SNX27: variants seen among roughly 807,000 people sequenced by gnomAD.
SNX27 encodes sorting nexin 27.
A neutral mutation model predicts 71.6 loss-of-function variants in SNX27; 22 were observed. The observed-to-expected ratio is 0.31, with a 90% CI of 0.22 to 0.44. The LOEUF (loss-of-function observed/expected upper bound fraction) is 0.44, where lower values mean the gene tolerates loss of function less well. Ranked by LOEUF, SNX27 falls within the 20% of genes least tolerant of loss-of-function variation. SNX27 has a pLI of 1.00. For synonymous variants in SNX27, 269 were observed against 277.2 expected (o/e 0.97, Z 0.29); for missense variants, 531 against 698.6 (o/e 0.76, Z 2.70).
At chr1:151,644,886 C>T (rs1382582554) in intron 2 of SNX27, among the ~76,000 whole-genome samples, 1 of 152,180 alleles carries the variant, frequency 6.6e-6, no homozygotes, top group East Asian at 1.9e-4. Flanking sequence ...GCAGCCTCTG[C>T]CTCCCGGGTT....
At chr1:151,638,707 G>A in intron 1 of SNX27, 181 bp from the exon 2 acceptor site, 1 of 624,266 alleles carries the variant, frequency 1.6e-6, no homozygotes, top group Non-Finnish European at 2.8e-6. Flanking sequence ...CCCGCCATAA[G>A]TTCACAAAGT....
intron 2 of SNX27, 87 bp from the exon 3 acceptor site, chr1:151,658,148 T>C: frequency 7.8e-7 from 1 of 1,274,838 alleles, no homozygotes; most frequent in Non-Finnish European, 1.1e-6. Context: ...AGAATGCATC[T>C]AACCAATATC....
At position 151,625,713 on chromosome 1, in the gene SNX27, C is replaced by T. The variant is rs1477807268; in HGVS notation, c.312-13175C>T. Reference sequence around the variant, plus strand: ...AGCGGGAGAATCACTTGAACCGGGGCGGTGGAAGTTGCAGTGATTCGAGAC... The same window carrying T: ...AGCGGGAGAATCACTTGAACCGGGGTGGTGGAAGTTGCAGTGATTCGAGAC... On this transcript the variant is annotated intron_variant, in intron 1 of 11. Transcript: ENST00000458013. Among the ~76,000 whole-genome samples the T allele has an allele frequency of 7.7e-5, 11 of 143,618 alleles. 1 individual carries two copies. The highest frequency in any genetic ancestry group is 2.3e-4 in the African/African-American group (9 of 38,438). The allele number at this position is 143,618 out of a possible 152,430, so 94.2% of individuals were successfully genotyped here.
At chr1:151,636,163 A>G (rs1464099951) in intron 1 of SNX27, among the ~76,000 whole-genome samples, 2 of 152,244 alleles carry the variant, frequency 1.3e-5, no homozygotes, top group East Asian at 3.8e-4. Context: ...AGAGTGCCCT[A>G]GATAAAAAAT....
At position 151,697,080 on chromosome 1, in the gene SNX27, G is replaced by A. The variant is rs985724343; in HGVS notation, c.*2663G>A. The A allele has an allele frequency of 3.3e-5, 5 of 152,150 alleles. No individual in the cohort carries two copies. The highest frequency in any genetic ancestry group is 7.2e-5 in the African/African-American group (3 of 41,438). 9.4% of individuals were successfully genotyped at this position (152,150 alleles called of 1,614,324 possible). A position where few individuals can be genotyped will look rare whatever the true frequency, so the allele number is the denominator to read the frequency against. The stretch of plus-strand genomic sequence containing the variant: ...TAGGTGAAATCACAGAGTACAAAAC[G>A]TGAGAATGCTGAATGTGTAAAGTTG... On this transcript the variant is annotated 3_prime_UTR_variant, in exon 12 of 12. Coordinates refer to ENST00000458013, the MANE Select transcript of SNX27 (RefSeq NM_001330723.2).
At chr1:151,682,166 T>C (rs1446694502) in intron 7 of SNX27, among the ~76,000 whole-genome samples, 3 of 152,260 alleles carry the variant, frequency 2.0e-5, no homozygotes, top group South Asian at 2.1e-4. Context: ...CTCTCACATA[T>C]ACCTAAAAGA....
rs537268814 is a variant in SNX27 at position 151,694,948 on chromosome 1, G to A, written c.*531G>A. 2.0e-5 allele frequency: 3 copies of A among 152,136 alleles called. No homozygotes were observed. The East Asian group carries it at 5.8e-4, about 29-fold the overall frequency. The allele number at this position is 152,136 out of a possible 1,614,324, so 9.4% of individuals were successfully genotyped here. A position where few individuals can be genotyped will look rare whatever the true frequency, so the allele number is the denominator to read the frequency against. The stretch of plus-strand genomic sequence containing the variant: ...ACCTCCCTCGTGCTCTCTTTCTTTT[G>A]AAACAAACTTTAAAAAGGAAAAAAA... On this transcript the variant is annotated 3_prime_UTR_variant, in exon 12 of 12. Coordinates refer to ENST00000458013, the MANE Select transcript of SNX27 (RefSeq NM_001330723.2).
At chr1:151,635,960 AT>A (rs1299050259) in intron 1 of SNX27, among the ~76,000 whole-genome samples, 1 of 152,162 alleles carries the variant, frequency 6.6e-6, no homozygotes, top group Non-Finnish European at 1.5e-5. Context: ...GGAACGGTGT[AT>A]TTTGATTTGA....
At chr1:151,684,072 T>TA (rs1282969468) in intron 8 of SNX27, among the ~76,000 whole-genome samples, 1 of 152,166 alleles carries the variant, frequency 6.6e-6, no homozygotes, top group Non-Finnish European at 1.5e-5. Context: ...TAAGACCTGA[T>TA]ATTTAGCTTT....
chr1:151,640,600 C>T (rs1401032225), intron 2 of SNX27, among the ~76,000 whole-genome samples: 13 of 152,258 alleles, frequency 8.5e-5, no homozygotes, highest in African/African-American at 3.1e-4. Flanking sequence ...GTCTCGAACT[C>T]CTGACCTCAG....
chr1:151,638,626 G>A (rs567717520), intron 1 of SNX27, among the ~76,000 whole-genome samples: 10 of 152,228 alleles, frequency 6.6e-5, no homozygotes, highest in African/African-American at 2.4e-4. Flanking sequence ...TTCCATGTGC[G>A]TTCCTGAAGC....
chr1:151,612,889 C>T lies in SNX27; in HGVS notation c.311+377C>T, dbSNP rs1390910860. Reference sequence around the variant, plus strand: ...AACCTCATCTGCTCCTTACTGACGGCGTTTCGTTTTCTGATCCAGCCAGTA... The same window carrying T: ...AACCTCATCTGCTCCTTACTGACGGTGTTTCGTTTTCTGATCCAGCCAGTA... On this transcript the variant is annotated intron_variant, in intron 1 of 11. Transcript: ENST00000458013. The surrounding 1 kb of genome is among the most constrained non-coding windows in gnomAD (Gnocchi z 5.2). 6.6e-6 allele frequency among the ~76,000 whole-genome samples: 1 copy of T among 152,078 alleles called. No homozygotes were observed. The highest frequency in any genetic ancestry group is 1.5e-5 in the Non-Finnish European group (1 of 68,028).
At position 151,616,151 on chromosome 1, in the gene SNX27, G is replaced by A. The variant is rs181258825; in HGVS notation, c.311+3639G>A. On this transcript the variant is annotated intron_variant, in intron 1 of 11. Transcript: ENST00000458013. ...TCCCTTTGATGTGTATGTACCTGGA[G>A]GCTAATGAGTAAAGAATGCTTTCAA... 7.6e-4 allele frequency among the ~76,000 whole-genome samples: 115 copies of A among 152,310 alleles called. 2 individuals carry two copies. The East Asian group carries it at 0.015, about 19-fold the overall frequency.
Position 151,694,506 on chromosome 1 carries a change from G to A in SNX27, c.*89G>A. On this transcript the variant is annotated 3_prime_UTR_variant, in exon 12 of 12. Coordinates refer to ENST00000458013, the MANE Select transcript of SNX27 (RefSeq NM_001330723.2). The stretch of plus-strand genomic sequence containing the variant: ...AGACAGAGTAACCATTAACAAAAAA[G>A]AAGAGAAAAAGTTAAAGTCGTTATA... 1 of 1,345,770 alleles carries A rather than the reference G, an allele frequency of 7.4e-7. No homozygotes were observed. The highest frequency in any genetic ancestry group is 1.0e-6 in the Non-Finnish European group (1 of 995,868). The allele number at this position is 1,345,770 out of a possible 1,614,324, so 83.4% of individuals were successfully genotyped here. A position where few individuals can be genotyped will look rare whatever the true frequency, so the allele number is the denominator to read the frequency against.
At chr1:151,636,334 T>C (rs1218580484) in intron 1 of SNX27, among the ~76,000 whole-genome samples, 7 of 152,210 alleles carry the variant, frequency 4.6e-5, no homozygotes, top group Non-Finnish European at 5.9e-5. Context: ...CAGGATCTTC[T>C]TTTGTAACCC....
chr1:151,648,034 C>T (rs916696097), intron 2 of SNX27, among the ~76,000 whole-genome samples: 8 of 151,230 alleles, frequency 5.3e-5, no homozygotes, highest in Admixed American at 2.6e-4. Context: ...TTTAAAGAGT[C>T]GGGGTTTTTT....
chr1:151,633,962 G>T (rs1668361000), intron 1 of SNX27, among the ~76,000 whole-genome samples: 1 of 148,416 alleles, frequency 6.7e-6, no homozygotes, highest in East Asian at 2.0e-4. Flanking sequence ...TTGTGTAGAT[G>T]TGTATGTGTG....
At chr1:151,633,945 C>T (rs1393067670) in intron 1 of SNX27, among the ~76,000 whole-genome samples, 3 of 149,970 alleles carry the variant, frequency 2.0e-5, no homozygotes, top group Non-Finnish European at 1.5e-5. Context: ...CATTCAACTA[C>T]AGTTGTTTGT....
At chr1:151,649,419 C>T (rs1485745787) in intron 2 of SNX27, among the ~76,000 whole-genome samples, 2 of 151,720 alleles carry the variant, frequency 1.3e-5, no homozygotes, top group Non-Finnish European at 2.9e-5. Context: ...TCTGTCTCTA[C>T]AAAAAATGAA....
Sources: gnomAD v4.1 joint callset for allele counts (sites outside exome capture counted in the v4.1 genomes callset) on GRCh38, gnomAD v4.1.1 for gene constraint, Gnocchi (gnomAD v3.1) non-coding constraint, MANE v1.5 for transcripts, NCBI Gene and HGNC (gene_info 2026-07-23, HGNC 2026-07-21) for gene names.